The following ITCH variants were observed in gnomAD, a reference collection of about 807,000 sequenced individuals.
The protein encoded by ITCH is itchy E3 ubiquitin protein ligase, also known as E3 ubiquitin-protein ligase Itchy homolog.
Under a neutral mutation model 126.8 loss-of-function variants are expected in ITCH, and 28 were observed. The ratio of observed to expected loss-of-function variants is 0.22; its 90% CI spans 0.16 to 0.30. The LOEUF (loss-of-function observed/expected upper bound fraction) is 0.30. Among genes scored for constraint, ITCH ranks in the 10% least tolerant of loss-of-function variants. The pLI is 1.00. For missense variants in ITCH, 631 were observed against 1,032.4 expected (o/e 0.61, Z 5.33); for synonymous variants, 342 against 340.0 (o/e 1.01, Z -0.06).
chr20:34,438,374 A>G, intron 7 of ITCH, 100 bp from the exon 8 acceptor site: 1 of 1,311,698 alleles, frequency 7.6e-7, no homozygotes. Context: ...GAAGCTCTTA[A>G]AAACTTAGAA....
At chr20:34,468,184 G>A (rs1480287600) in intron 14 of ITCH, among the ~76,000 whole-genome samples, 1 of 151,542 alleles carries the variant, frequency 6.6e-6, no homozygotes, top group Non-Finnish European at 1.5e-5. Context: ...ACAGACGCCC[G>A]CCACCACACC....
chr20:34,507,867 C>G lies in ITCH; in HGVS notation c.*73C>G. On this transcript the variant is annotated 3_prime_UTR_variant, in exon 25 of 25. Coordinates refer to ENST00000374864, the MANE Select transcript of ITCH (RefSeq NM_031483.7). ...TTGTCCTTCTCTGCCTGTTGCACAT[C>G]TTGTAAAATTGGACAATGGCTCTTT... is the stretch of plus-strand genomic sequence containing the variant. The G allele has an allele frequency of 9.0e-7, 1 of 1,116,670 alleles. No individual in the cohort carries two copies. Among genetic ancestry groups the G allele is most frequent in the Middle Eastern group, 2.0e-4 (1 of 5,108 alleles). The allele number at this position is 1,116,670 out of a possible 1,614,324, so 69.2% of individuals were successfully genotyped here.
chr20:34,459,094 A>G (rs1986278740), intron 13 of ITCH, among the ~76,000 whole-genome samples: 1 of 152,154 alleles, frequency 6.6e-6, no homozygotes, highest in African/African-American at 2.4e-5. Flanking sequence ...ATGACTCCAG[A>G]CCAACTGTCT....
At chr20:34,467,261 G>C (rs779323212) in intron 14 of ITCH, among the ~76,000 whole-genome samples, 2 of 152,136 alleles carry the variant, frequency 1.3e-5, no homozygotes, top group Non-Finnish European at 2.9e-5. Flanking sequence ...AGGCCCAGTG[G>C]CTCATGCCAG....
At chr20:34,482,598 G>A (rs6059864) in intron 20 of ITCH, among the ~76,000 whole-genome samples, 8 of 152,340 alleles carry the variant, frequency 5.3e-5, no homozygotes, top group African/African-American at 1.7e-4. Context: ...CCATGGCCTT[G>A]GGCAACACTG....
chr20:34,460,542 A>G (rs921697763), intron 13 of ITCH, among the ~76,000 whole-genome samples: 3 of 152,134 alleles, frequency 2.0e-5, no homozygotes, highest in African/African-American at 4.8e-5. Flanking sequence ...AACAATTACA[A>G]CTTGGGCTCA....
rs183149388 is a variant in ITCH at position 34,377,590 on chromosome 20, G to A, written c.-22+8120G>A. Among the ~76,000 whole-genome samples, 653 of 151,560 alleles carry A rather than the reference G, an allele frequency of 4.3e-3. 7 individuals carry two copies. The highest frequency in any genetic ancestry group is 0.015 in the African/African-American group (607 of 41,300). On this transcript the variant is annotated intron_variant, in intron 2 of 24. Coordinates refer to ENST00000374864, the MANE Select transcript of ITCH (RefSeq NM_031483.7). ...CTTGAGATAACTGATATGGCTGGGC[G>A]CGGTGGCTTACACCTGTAATCCCAG... is the stretch of plus-strand genomic sequence containing the variant.
chr20:34,432,142 C>T (rs1982392350), intron 7 of ITCH, among the ~76,000 whole-genome samples: 1 of 151,378 alleles, frequency 6.6e-6, no homozygotes, highest in South Asian at 2.1e-4. Context: ...GGAAAACTGG[C>T]TGTTTGGAAA....
chr20:34,478,770 A>C (rs765446144), intron 17 of ITCH, among the ~76,000 whole-genome samples: 10 of 152,214 alleles, frequency 6.6e-5, no homozygotes, highest in Non-Finnish European at 1.3e-4. Context: ...ATTATTTCAA[A>C]ATATATGATA....
At chr20:34,418,499 T>C (rs1456410959) in intron 6 of ITCH, among the ~76,000 whole-genome samples, 19 of 152,132 alleles carry the variant, frequency 1.2e-4, no homozygotes, top group Admixed American at 1.2e-3. Context: ...TATGTGAATA[T>C]ATTGATAATG....
intron 6 of ITCH, among the ~76,000 whole-genome samples, chr20:34,415,446 A>G (rs1979693528): frequency 6.6e-6 from 1 of 151,918 alleles, no homozygotes. Flanking sequence ...TAGTCCAGGT[A>G]CTTGGGAGGC....
intron 2 of ITCH, among the ~76,000 whole-genome samples, chr20:34,377,182 G>A (rs1413768163): frequency 6.6e-6 from 1 of 151,852 alleles, no homozygotes; most frequent in Non-Finnish European, 1.5e-5. Context: ...AGACCAGCCT[G>A]GCCAACAGGG....
At chr20:34,455,246 TTCAGTTCATTCTATGATCTTTAATACA>T (rs1423591229) in intron 12 of ITCH, among the ~76,000 whole-genome samples, 25 of 152,330 alleles carry the variant, frequency 1.6e-4, no homozygotes, top group African/African-American at 3.1e-4. Context: ...TTTAAAAAGT[TTCAGTTCATTCTATGATCTTTAATACA>T]TCAGTTCATT....
At chr20:34,476,365 AGGCCGC>A in intron 16 of ITCH, 1 of 1,342,368 alleles carries the variant, frequency 7.4e-7, no homozygotes, top group Non-Finnish European at 9.8e-7. Flanking sequence ...GCTCCTCAGC[AGGCCGC>A]TGGCTCCAGC....
intron 14 of ITCH, among the ~76,000 whole-genome samples, chr20:34,469,211 G>A (rs1987381847): frequency 7.0e-6 from 1 of 143,522 alleles, no homozygotes; most frequent in Non-Finnish European, 1.5e-5. Context: ...TTGGAGGAAG[G>A]GCAAATTATA....
chr20:34,383,048 T>A (rs1010315241), intron 2 of ITCH, among the ~76,000 whole-genome samples: 3 of 151,678 alleles, frequency 2.0e-5, no homozygotes, highest in South Asian at 2.1e-4. Context: ...AGTCCTTTTT[T>A]AAATTTTTTT....
chr20:34,463,606 T>TAGAA (rs1290457870), intron 14 of ITCH, among the ~76,000 whole-genome samples: 1 of 152,122 alleles, frequency 6.6e-6, no homozygotes, highest in Non-Finnish European at 1.5e-5. Flanking sequence ...TCAACTCTTC[T>TAGAA]GTTTTTTTTT....
intron 18 of ITCH, 50 bp from the exon 19 acceptor site, chr20:34,480,549 A>T (rs1448242993): frequency 6.3e-7 from 1 of 1,595,196 alleles, no homozygotes; most frequent in Admixed American, 1.7e-5. Context: ...ATTGAAATAA[A>T]ATGATTATTG....
chr20:34,433,277 C>T (rs572187106), intron 7 of ITCH, among the ~76,000 whole-genome samples: 4 of 152,300 alleles, frequency 2.6e-5, no homozygotes, highest in South Asian at 2.1e-4. Flanking sequence ...GGGACAAGAG[C>T]GAGACTTCGT....
Sources: gnomAD v4.1 joint callset for allele counts (sites outside exome capture counted in the v4.1 genomes callset) on GRCh38, gnomAD v4.1.1 for gene constraint, MANE v1.5 for transcripts, NCBI Gene and HGNC (gene_info 2026-07-23, HGNC 2026-07-21) for gene names.